PRELID2: variants seen among roughly 807,000 people sequenced by gnomAD.
PRELID2 encodes the protein PRELI domain-containing protein 2.
A neutral mutation model predicts 28.4 loss-of-function variants in PRELID2; 25 were observed. The ratio of observed to expected loss-of-function variants is 0.88; its 90% CI spans 0.64 to 1.23. PRELID2 has a LOEUF of 1.23. Ranked by LOEUF, PRELID2 falls within the 50% of genes most tolerant of loss-of-function variation. The pLI, the probability that PRELID2 is intolerant of heterozygous loss-of-function variation, is 0.00. For missense variants in PRELID2, 201 were observed against 214.4 expected (o/e 0.94, Z 0.39); for synonymous variants, 76 against 71.6 (o/e 1.06, Z -0.31).
intron 1 of PRELID2, among the ~76,000 whole-genome samples, chr5:145,650,927 G>A (rs1238624564): frequency 6.6e-6 from 1 of 152,064 alleles, no homozygotes; most frequent in Non-Finnish European, 1.5e-5. Flanking sequence ...AGTGGGTGCG[G>A]CCCACCGAGC....
the PRELID2 span, among the ~76,000 whole-genome samples, chr5:145,399,110 C>T: frequency 6.6e-6 from 1 of 152,110 alleles, no homozygotes; most frequent in Non-Finnish European, 1.5e-5. Context: ...CTCCTCCTCT[C>T]AAATCTCCCA....
At chr5:145,463,724 C>T in the PRELID2 span, among the ~76,000 whole-genome samples, 4 of 152,176 alleles carry the variant, frequency 2.6e-5, no homozygotes, top group South Asian at 8.3e-4. Context: ...GTATTGCCAG[C>T]ATTAAGGCTC....
At chr5:145,406,001 A>G in the PRELID2 span, among the ~76,000 whole-genome samples, 1 of 152,036 alleles carries the variant, frequency 6.6e-6, no homozygotes, top group African/African-American at 2.4e-5. Flanking sequence ...CACCACAGCC[A>G]GCTGGTACCA....
At chr5:145,389,947 AGT>A in the PRELID2 span, among the ~76,000 whole-genome samples, 1 of 152,250 alleles carries the variant, frequency 6.6e-6, no homozygotes, top group Non-Finnish European at 1.5e-5. Context: ...GAAGTTATAT[AGT>A]TTATTCAAAT....
chr5:145,273,606 G>A, the PRELID2 span, among the ~76,000 whole-genome samples: 1 of 152,116 alleles, frequency 6.6e-6, no homozygotes, highest in Admixed American at 6.6e-5. Flanking sequence ...CTGGATACAT[G>A]TGTATGACTG....
chr5:145,379,690 C>G, the PRELID2 span, among the ~76,000 whole-genome samples: 1 of 152,072 alleles, frequency 6.6e-6, no homozygotes, highest in African/African-American at 2.4e-5. Context: ...GACATACAGA[C>G]AGCAAAGCAA....
chr5:145,616,151 G>A (rs1753694741), intron 1 of PRELID2, among the ~76,000 whole-genome samples: 1 of 152,188 alleles, frequency 6.6e-6, no homozygotes, highest in Non-Finnish European at 1.5e-5. Context: ...ACCTGGTGGT[G>A]TTGTCTCACA....
the PRELID2 span, among the ~76,000 whole-genome samples, chr5:145,418,888 C>A: frequency 6.9e-6 from 1 of 145,288 alleles, no homozygotes; most frequent in African/African-American, 2.6e-5. Context: ...CCTACCCCCA[C>A]CCCACAACAG....
chr5:145,275,990 A>G, the PRELID2 span, among the ~76,000 whole-genome samples: 1 of 152,172 alleles, frequency 6.6e-6, no homozygotes, highest in Non-Finnish European at 1.5e-5. Context: ...TTCTGACACA[A>G]AGTAGCATTC....
the PRELID2 span, among the ~76,000 whole-genome samples, chr5:145,375,966 T>C: frequency 2.6e-5 from 4 of 152,222 alleles, no homozygotes; most frequent in South Asian, 6.2e-4. Flanking sequence ...GGCATTCTTT[T>C]CTTGTGCCAG....
chr5:145,743,642 C>T (rs1756903468), intron 1 of PRELID2, among the ~76,000 whole-genome samples: 1 of 152,058 alleles, frequency 6.6e-6, no homozygotes, highest in South Asian at 2.1e-4. Context: ...GCGTGCTACC[C>T]AGCGTGGAAA....
chr5:145,404,000 C>T, the PRELID2 span, among the ~76,000 whole-genome samples: 5 of 152,294 alleles, frequency 3.3e-5, no homozygotes, highest in Admixed American at 6.5e-5. Flanking sequence ...AAAGCACTAA[C>T]GCCAAGAGAA....
At chr5:145,333,189 G>C in the PRELID2 span, among the ~76,000 whole-genome samples, 1 of 152,266 alleles carries the variant, frequency 6.6e-6, no homozygotes, top group East Asian at 1.9e-4. Context: ...GAGCTCTCCT[G>C]TATGAGGTAT....
the PRELID2 span, among the ~76,000 whole-genome samples, chr5:145,320,432 G>A: frequency 1.3e-5 from 2 of 152,172 alleles, no homozygotes; most frequent in African/African-American, 4.8e-5. Flanking sequence ...CACTACGCCC[G>A]GCTAATTTTT....
chr5:145,460,989 T>A, the PRELID2 span, among the ~76,000 whole-genome samples: 7 of 152,258 alleles, frequency 4.6e-5, no homozygotes, highest in African/African-American at 7.2e-5. Context: ...GAGTCATTTT[T>A]ACTTTAATAT....
At chr5:145,695,760 T>C (rs1240131601) in intron 1 of PRELID2, among the ~76,000 whole-genome samples, 1 of 152,096 alleles carries the variant, frequency 6.6e-6, no homozygotes, top group Non-Finnish European at 1.5e-5. Flanking sequence ...AGCTGGCTTC[T>C]CCCCAGAATG....
chr5:145,642,235 T>A (rs972236467), intron 1 of PRELID2, among the ~76,000 whole-genome samples: 1 of 152,248 alleles, frequency 6.6e-6, no homozygotes, highest in Non-Finnish European at 1.5e-5. Flanking sequence ...TATCTCATTG[T>A]GGTTTTGATT....
chr5:145,237,165 A>G, the PRELID2 span, among the ~76,000 whole-genome samples: 9 of 152,174 alleles, frequency 5.9e-5, no homozygotes, highest in Non-Finnish European at 1.2e-4. Flanking sequence ...TGCAGCAATG[A>G]GGAATTGCAG....
At chr5:145,755,262 C>A (rs529745734), downstream of PRELID2, among the ~76,000 whole-genome samples, 1 of 152,146 alleles carries the variant, frequency 6.6e-6, no homozygotes, top group South Asian at 2.1e-4. Flanking sequence ...TTCTGGAGGG[C>A]AAACAACAAC....
Sources: gnomAD v4.1 joint callset for allele counts (sites outside exome capture counted in the v4.1 genomes callset) on GRCh38, gnomAD v4.1.1 for gene constraint, MANE v1.5 for transcripts, NCBI Gene and HGNC (gene_info 2026-07-23, HGNC 2026-07-21) for gene names.